The following GALNT13 variants were observed in gnomAD, a reference collection of about 807,000 sequenced individuals.
GALNT13 encodes UDP-GalNAc:polypeptide N-acetylgalactosaminyltransferase 13.
Under a neutral mutation model 64.2 loss-of-function variants are expected in GALNT13, and 28 were observed. The ratio of observed to expected loss-of-function variants is 0.44; its 90% CI spans 0.32 to 0.60. The LOEUF (loss-of-function observed/expected upper bound fraction) is 0.60, where lower values mean the gene tolerates loss of function less well. Among genes scored for constraint, GALNT13 ranks in the 20% least tolerant of loss-of-function variants. The probability of loss-of-function intolerance (pLI) is 0.05; values close to 1 mark genes in which losing one functional copy is unlikely to be tolerated. For synonymous variants in GALNT13, 214 were observed against 224.6 expected (o/e 0.95, Z 0.42); for missense variants, 577 against 669.8 (o/e 0.86, Z 1.53).
chr2:153,210,452 T>C, the GALNT13 span, among the ~76,000 whole-genome samples: 1 of 152,202 alleles, frequency 6.6e-6, no homozygotes, highest in Non-Finnish European at 1.5e-5. Context: ...GTGAATTACA[T>C]TAATTGATTA....
chr2:153,815,109 G>C, the GALNT13 span, among the ~76,000 whole-genome samples: 1 of 152,138 alleles, frequency 6.6e-6, no homozygotes, highest in African/African-American at 2.4e-5. Flanking sequence ...CCTGTCTTCT[G>C]TCATTGTTTC....
chr2:154,201,518 TAA>T (rs1402229505), intron 4 of GALNT13, among the ~76,000 whole-genome samples: 1 of 152,080 alleles, frequency 6.6e-6, no homozygotes, highest in Non-Finnish European at 1.5e-5. Context: ...TTACTTTATT[TAA>T]AGTGTCATGC....
At chr2:153,362,364 A>G in the GALNT13 span, among the ~76,000 whole-genome samples, 1 of 152,122 alleles carries the variant, frequency 6.6e-6, no homozygotes, top group Non-Finnish European at 1.5e-5. Context: ...ACAGGATCAA[A>G]TTCACACCTA....
At chr2:153,755,783 AAT>A in the GALNT13 span, among the ~76,000 whole-genome samples, 1 of 151,982 alleles carries the variant, frequency 6.6e-6, no homozygotes, top group South Asian at 2.1e-4. Context: ...GGTTGTTTAA[AAT>A]ATCTCCTTCA....
the GALNT13 span, among the ~76,000 whole-genome samples, chr2:153,640,304 A>T: frequency 6.6e-6 from 1 of 152,296 alleles, no homozygotes; most frequent in African/African-American, 2.4e-5. Context: ...TGACTACTCC[A>T]AGTGTGGAGA....
intron 9 of GALNT13, among the ~76,000 whole-genome samples, chr2:154,325,982 T>C (rs1694856970): frequency 6.6e-6 from 1 of 152,090 alleles, no homozygotes; most frequent in Non-Finnish European, 1.5e-5. Flanking sequence ...CAGGTGATTC[T>C]ACATGCTCTA....
the GALNT13 span, among the ~76,000 whole-genome samples, chr2:153,569,727 C>T: frequency 6.6e-6 from 1 of 151,886 alleles, no homozygotes; most frequent in African/African-American, 2.4e-5. Context: ...TTAAAATGAA[C>T]AATTAAATTA....
intron 3 of GALNT13, among the ~76,000 whole-genome samples, chr2:154,029,942 G>A (rs1234050653): frequency 3.3e-5 from 5 of 152,094 alleles, no homozygotes; most frequent in African/African-American, 7.2e-5. Context: ...CATCAATATG[G>A]TTGGTACACC....
the GALNT13 span, among the ~76,000 whole-genome samples, chr2:153,167,568 A>AGAAG: frequency 9.9e-5 from 15 of 152,090 alleles, no homozygotes; most frequent in African/African-American, 3.6e-4. Flanking sequence ...AGGCTCCTTT[A>AGAAG]GATGGCTTTC....
At chr2:154,016,309 A>T (rs1171332890) in intron 3 of GALNT13, among the ~76,000 whole-genome samples, 1 of 152,192 alleles carries the variant, frequency 6.6e-6, no homozygotes, top group African/African-American at 2.4e-5. Flanking sequence ...TCATTCATAA[A>T]CACAGGGGTG....
At chr2:153,148,562 G>T in the GALNT13 span, among the ~76,000 whole-genome samples, 9 of 151,114 alleles carry the variant, frequency 6.0e-5, no homozygotes, top group Non-Finnish European at 7.4e-5. Flanking sequence ...TCTGCATCTG[G>T]ATCCACCAGT....
intron 1 of GALNT13, among the ~76,000 whole-genome samples, chr2:153,885,697 A>C (rs1322067981): frequency 6.6e-6 from 1 of 152,110 alleles, no homozygotes; most frequent in Non-Finnish European, 1.5e-5. Context: ...TTGGTAAATG[A>C]AGGATGGCCA....
At chr2:153,518,387 G>A in the GALNT13 span, among the ~76,000 whole-genome samples, 19 of 152,048 alleles carry the variant, frequency 1.2e-4, no homozygotes, top group African/African-American at 4.3e-4. Context: ...TCTGAAATGC[G>A]TATGGAGACT....
intron 4 of GALNT13, among the ~76,000 whole-genome samples, chr2:154,227,098 A>G (rs1445271071): frequency 2.0e-5 from 3 of 152,030 alleles, no homozygotes; most frequent in Non-Finnish European, 4.4e-5. Context: ...CATCTCTCGT[A>G]GTCAGGGTGA....
intron 8 of GALNT13, among the ~76,000 whole-genome samples, chr2:154,271,171 T>G (rs1691334039): frequency 6.6e-6 from 1 of 152,052 alleles, no homozygotes; most frequent in Admixed American, 6.6e-5. Flanking sequence ...ATAATGTTAT[T>G]AGAGAATGGA....
At chr2:153,249,989 T>C in the GALNT13 span, among the ~76,000 whole-genome samples, 3 of 152,150 alleles carry the variant, frequency 2.0e-5, no homozygotes, top group African/African-American at 7.2e-5. Context: ...TAAGATTTCA[T>C]GAATAAAACA....
the GALNT13 span, among the ~76,000 whole-genome samples, chr2:153,727,006 G>T: frequency 6.8e-6 from 1 of 147,072 alleles, no homozygotes; most frequent in Non-Finnish European, 1.5e-5. Flanking sequence ...CCTATTCAAA[G>T]AGAGTATCAG....
chr2:153,765,274 T>C, the GALNT13 span, among the ~76,000 whole-genome samples: 1 of 152,180 alleles, frequency 6.6e-6, no homozygotes, highest in African/African-American at 2.4e-5. Flanking sequence ...GAGGGGACTG[T>C]ACTCTGCAAA....
chr2:154,067,280 T>G (rs1224404124), intron 3 of GALNT13, among the ~76,000 whole-genome samples: 1 of 152,026 alleles, frequency 6.6e-6, no homozygotes. Context: ...GATTACATCC[T>G]TACTTATCAA....
Sources: gnomAD v4.1 joint callset for allele counts (sites outside exome capture counted in the v4.1 genomes callset) on GRCh38, gnomAD v4.1.1 for gene constraint, MANE v1.5 for transcripts, NCBI Gene and HGNC (gene_info 2026-07-23, HGNC 2026-07-21) for gene names.